NBAS: variants seen among roughly 807,000 people sequenced by gnomAD.
NBAS encodes NBAS subunit of NRZ tethering complex.
NBAS carries 219 observed loss-of-function variants against 302.5 expected under a neutral mutation model. The ratio of observed to expected loss-of-function variants is 0.72; its 90% confidence interval spans 0.65 to 0.81. NBAS has a LOEUF of 0.81. Among genes scored for constraint, NBAS ranks in the 30% least tolerant of loss-of-function variants. NBAS has a pLI of 0.00. For missense variants in NBAS, 2,932 were observed against 2,841.6 expected (o/e 1.03, Z -0.72); for synonymous variants, 1,118 against 1,021.6 (o/e 1.09, Z -1.80).
At chr2:15,190,444 T>C in intron 48 of NBAS, 41 bp from the exon 49 acceptor site, 1 of 1,611,290 alleles carries the variant, frequency 6.2e-7, no homozygotes. Flanking sequence ...TGGCAAAGGC[T>C]ACTGAATTGG....
At chr2:15,422,674 T>G (rs1241423616) in intron 23 of NBAS, among the ~76,000 whole-genome samples, 1 of 152,194 alleles carries the variant, frequency 6.6e-6, no homozygotes, top group Non-Finnish European at 1.5e-5. Context: ...AATTGAGGAA[T>G]CATTAATGAT....
In NBAS at chr2:15,464,847, C is replaced by T. The variant is rs1679654394; in HGVS notation, c.2097+2482G>A. 2.6e-5 allele frequency among the ~76,000 whole-genome samples: 4 copies of T among 152,328 alleles called. No individual in the cohort carries two copies. In the South Asian group the frequency reaches 8.3e-4, roughly 32 times the overall value. On this transcript the variant is annotated intron_variant, in intron 19 of 51. Coordinates refer to ENST00000281513, the MANE Select transcript of NBAS (RefSeq NM_015909.4). ...TTGTTCTGTGCCACCCCTCACGCTC[C>T]CCATCCTGTACCCTGACTAGCTTAC...
At chr2:15,403,864 C>CGT (rs10624311) in intron 25 of NBAS, among the ~76,000 whole-genome samples, 46,039 of 135,152 alleles carry the variant, frequency 0.34, 7,897 homozygotes, top group Middle Eastern at 0.5. Flanking sequence ...TTCCTTCCTT[C>CGT]GTGTGTGTGT....
At chr2:14,981,412 G>T in the NBAS span, among the ~76,000 whole-genome samples, 1 of 152,150 alleles carries the variant, frequency 6.6e-6, no homozygotes, top group African/African-American at 2.4e-5. Flanking sequence ...ATTTTTTGAG[G>T]TACAATGATG....
the NBAS span, among the ~76,000 whole-genome samples, chr2:15,137,243 C>T: frequency 6.6e-6 from 1 of 152,238 alleles, no homozygotes; most frequent in East Asian, 1.9e-4. Context: ...GTTACAGCAG[C>T]CTGGGTCTAG....
At chr2:15,478,631 C>T (rs1293912452) in intron 12 of NBAS, among the ~76,000 whole-genome samples, 1 of 152,194 alleles carries the variant, frequency 6.6e-6, no homozygotes, top group Non-Finnish European at 1.5e-5. Context: ...GGCCTGGATA[C>T]AGATCTTATC....
chr2:15,561,109 T>G, intron 1 of NBAS, 79 bp downstream of exon 1: 2 of 643,018 alleles, frequency 3.1e-6, no homozygotes, highest in Non-Finnish European at 5.1e-6. Context: ...TCCACTCCCC[T>G]ACGTGGCTCC....
At chr2:15,267,118 T>C (rs981723558) in intron 44 of NBAS, among the ~76,000 whole-genome samples, 2 of 152,244 alleles carry the variant, frequency 1.3e-5, no homozygotes, top group African/African-American at 4.8e-5. Context: ...TTATCTCTTC[T>C]TTGTACACAT....
At chr2:15,101,840 C>T in the NBAS span, among the ~76,000 whole-genome samples, 2 of 152,204 alleles carry the variant, frequency 1.3e-5, no homozygotes, top group African/African-American at 4.8e-5. Context: ...TCAAGAAGAA[C>T]AAACCTCAGT....
intron 38 of NBAS, among the ~76,000 whole-genome samples, chr2:15,322,097 A>T (rs1159393689): frequency 6.6e-6 from 1 of 152,186 alleles, no homozygotes; most frequent in Non-Finnish European, 1.5e-5. Context: ...AGGGACATGG[A>T]TGAAGCTGGA....
chr2:14,954,159 T>C, the NBAS span, among the ~76,000 whole-genome samples: 2 of 152,226 alleles, frequency 1.3e-5, no homozygotes. Flanking sequence ...GTAATGACTA[T>C]GGAAATGGCT....
chr2:15,186,187 T>G (rs568317121), intron 50 of NBAS, among the ~76,000 whole-genome samples: 152 of 150,776 alleles, frequency 1.0e-3, no homozygotes, highest in African/African-American at 3.5e-3. Flanking sequence ...TATGCATATA[T>G]ATATAAAATA....
At chr2:15,119,598 C>T in the NBAS span, among the ~76,000 whole-genome samples, 7 of 152,196 alleles carry the variant, frequency 4.6e-5, no homozygotes, top group Non-Finnish European at 2.9e-5. Context: ...CTCGGCCTCT[C>T]AGAGTGCTGG....
the NBAS span, among the ~76,000 whole-genome samples, chr2:14,991,942 C>T: frequency 2.0e-5 from 3 of 152,228 alleles, no homozygotes; most frequent in Admixed American, 2.0e-4. Flanking sequence ...CAGGGCATGC[C>T]GGTGCACAGC....
intron 38 of NBAS, among the ~76,000 whole-genome samples, chr2:15,319,975 G>A (rs1671718603): frequency 6.6e-6 from 1 of 152,092 alleles, no homozygotes; most frequent in African/African-American, 2.4e-5. Context: ...TATCCCTGAT[G>A]AACATTGATG....
chr2:14,980,296 G>A, the NBAS span, among the ~76,000 whole-genome samples: 1 of 152,094 alleles, frequency 6.6e-6, no homozygotes, highest in African/African-American at 2.4e-5. Context: ...GAGAAATCTT[G>A]AAGTTGGTCC....
chr2:15,033,400 A>C, the NBAS span, among the ~76,000 whole-genome samples: 1 of 103,632 alleles, frequency 9.6e-6, no homozygotes, highest in African/African-American at 2.9e-5. Context: ...GATGATATTT[A>C]AATAAGACTT....
chr2:14,963,797 C>T, the NBAS span, among the ~76,000 whole-genome samples: 3 of 152,188 alleles, frequency 2.0e-5, no homozygotes, highest in African/African-American at 7.2e-5. Context: ...GTGCTTTCCC[C>T]TTGATGATTT....
intron 6 of NBAS, 112 bp downstream of exon 6, chr2:15,551,381 T>A: frequency 1.5e-6 from 1 of 652,208 alleles, no homozygotes. Context: ...ATTTTAATAG[T>A]CATGATAATC....
Sources: gnomAD v4.1 joint callset for allele counts (sites outside exome capture counted in the v4.1 genomes callset) on GRCh38, gnomAD v4.1.1 for gene constraint, MANE v1.5 for transcripts, NCBI Gene and HGNC (gene_info 2026-07-23, HGNC 2026-07-21) for gene names.